FHAD1: variants seen among roughly 807,000 people sequenced by gnomAD.
The protein encoded by FHAD1 is forkhead associated phosphopeptide binding domain 1.
FHAD1 carries 146 observed loss-of-function variants against 191.3 expected under a neutral mutation model. The ratio of observed to expected loss-of-function variants is 0.76; its 90% confidence interval spans 0.67 to 0.88. The LOEUF is 0.88. FHAD1 is among the 40% of genes least tolerant of loss of function. FHAD1 has a pLI of 0.00. For synonymous variants in FHAD1, 616 were observed against 672.3 expected, an observed-to-expected ratio of 0.92 and a Z score of 1.29; for missense variants, 1,635 against 1,785.8, an observed-to-expected ratio of 0.92 and a Z score of 1.52.
intron 7 of FHAD1, among the ~76,000 whole-genome samples, chr1:15,309,983 G>A (rs556387029): frequency 6.6e-6 from 1 of 152,172 alleles, no homozygotes; most frequent in African/African-American, 2.4e-5. Flanking sequence ...GTGGGGTCAG[G>A]GGGGAGGCAG....
chr1:15,337,408 C>T (rs1368910594), intron 14 of FHAD1, among the ~76,000 whole-genome samples: 1 of 152,202 alleles, frequency 6.6e-6, no homozygotes, highest in African/African-American at 2.4e-5. Flanking sequence ...ATCCTCACTT[C>T]TCCCACCCTC....
At position 15,267,998 on chromosome 1, in the gene FHAD1, TTTA is replaced by T. The variant is rs574838326; in HGVS notation, c.94-4314_94-4312del. Among the ~76,000 whole-genome samples the T allele has an allele frequency of 4.1e-3, 613 of 150,746 alleles. 7 individuals are homozygous for T. Among genetic ancestry groups the T allele is most frequent in the African/African-American group, 0.014 (590 of 41,252 alleles). On this transcript the variant is annotated intron_variant, in intron 2 of 33. Coordinates refer to ENST00000688493, the MANE Select transcript of FHAD1 (RefSeq NM_001391957.1). ...TTACATTTTCTTTTCTTTTTTTAAT[TTTA>T]TTATTATTATACTTTTAAGTTTTAG...
intron 26 of FHAD1, among the ~76,000 whole-genome samples, chr1:15,371,808 G>A (rs1333082589): frequency 6.6e-6 from 1 of 152,240 alleles, no homozygotes; most frequent in Non-Finnish European, 1.5e-5. Flanking sequence ...CCAAGGACAA[G>A]CGAGGCCGTA....
chr1:15,382,689 CAG>C (rs1701190381), intron 31 of FHAD1, among the ~76,000 whole-genome samples: 1 of 152,184 alleles, frequency 6.6e-6, no homozygotes, highest in Admixed American at 6.5e-5. Flanking sequence ...TAGTGTGGAA[CAG>C]AGAGCTGACT....
intron 1 of FHAD1, among the ~76,000 whole-genome samples, chr1:15,240,461 T>G (rs549702576): frequency 1.1e-4 from 17 of 151,828 alleles, no homozygotes; most frequent in African/African-American, 3.9e-4. Flanking sequence ...AGATCTCATC[T>G]CTATTAAAAA....
At chr1:15,331,547 TGTGG>T (rs373096247) in intron 14 of FHAD1, among the ~76,000 whole-genome samples, 1 of 47,578 alleles carries the variant, frequency 2.1e-5, no homozygotes, top group African/African-American at 8.2e-5. Flanking sequence ...TGGATGGAAG[TGTGG>T]GTGGGTGGGT....
intron 16 of FHAD1, among the ~76,000 whole-genome samples, chr1:15,344,401 CT>C (rs1234836488): frequency 1.3e-5 from 2 of 152,202 alleles, no homozygotes; most frequent in African/African-American, 2.4e-5. Flanking sequence ...ACAACAATCC[CT>C]TGGTTTGTGC....
chr1:15,394,990 A>G (rs903387758), intron 33 of FHAD1, among the ~76,000 whole-genome samples: 16 of 152,188 alleles, frequency 1.1e-4, no homozygotes, highest in African/African-American at 3.9e-4. Flanking sequence ...GGGGGCTTTT[A>G]TAAAGATACA....
At chr1:15,335,117 TGTG>T (rs1434189856) in intron 14 of FHAD1, among the ~76,000 whole-genome samples, 1 of 152,136 alleles carries the variant, frequency 6.6e-6, no homozygotes, top group Admixed American at 6.5e-5. Context: ...GGAAATGACT[TGTG>T]GTGTTGTTGG....
intron 2 of FHAD1, among the ~76,000 whole-genome samples, chr1:15,254,091 A>C (rs1451297886): frequency 2.0e-5 from 3 of 152,236 alleles, no homozygotes; most frequent in Non-Finnish European, 2.9e-5. Flanking sequence ...AAGGACACAG[A>C]AAACTGTTCA....
At chr1:15,262,197 G>A (rs1651393442) in intron 2 of FHAD1, among the ~76,000 whole-genome samples, 1 of 152,218 alleles carries the variant, frequency 6.6e-6, no homozygotes, top group Non-Finnish European at 1.5e-5. Context: ...CAGCAGGAAT[G>A]CAGCAGAGGT....
intron 19 of FHAD1, among the ~76,000 whole-genome samples, chr1:15,351,946 G>A (rs1322638884): frequency 6.6e-6 from 1 of 152,170 alleles, no homozygotes; most frequent in Non-Finnish European, 1.5e-5. Flanking sequence ...CACACACCTC[G>A]AGTCTCATAC....
chr1:15,237,229 T>C (rs1644879881), intron 1 of FHAD1, among the ~76,000 whole-genome samples: 1 of 152,190 alleles, frequency 6.6e-6, no homozygotes, highest in Non-Finnish European at 1.5e-5. Flanking sequence ...CATCAACTAG[T>C]TGAAAGTATT....
Position 15,316,035 on chromosome 1 carries a change from A to G in FHAD1, c.1171-343A>G, listed in dbSNP as rs1674327060. On this transcript the variant is annotated intron_variant, in intron 8 of 33. Transcript: ENST00000688493. This position sits in a 1 kb window ranked among gnomAD's most constrained non-coding sequence, Gnocchi z 4.3. The stretch of plus-strand genomic sequence containing the variant: ...GGAGTGAATTGCATGAAGCACTGAG[A>G]GCCGTCCAGGCTCGCTAGTGGCCCT... 6.6e-6 allele frequency among the ~76,000 whole-genome samples: 1 copy of G among 152,226 alleles called. No homozygotes were observed. The highest frequency in any genetic ancestry group is 6.5e-5 in the Admixed American group (1 of 15,286).
intron 3 of FHAD1, among the ~76,000 whole-genome samples, chr1:15,288,981 GT>G (rs1009370929): frequency 3.3e-5 from 5 of 152,082 alleles, no homozygotes; most frequent in African/African-American, 1.2e-4. Context: ...GTGACTCATT[GT>G]TTTTTTGTTT....
At chr1:15,375,489 T>G in intron 27 of FHAD1, 114 bp from the exon 28 acceptor site, 2 of 992,758 alleles carry the variant, frequency 2.0e-6, no homozygotes, top group Non-Finnish European at 2.8e-6. Context: ...CCACGGGAGG[T>G]CGTAAGGATT....
At chr1:15,266,654 T>A (rs1653659341) in intron 2 of FHAD1, among the ~76,000 whole-genome samples, 1 of 152,214 alleles carries the variant, frequency 6.6e-6, no homozygotes, top group Admixed American at 6.5e-5. Flanking sequence ...TTCTGTGGGT[T>A]TTGACATAGG....
chr1:15,283,496 C>G (rs1661311149), intron 3 of FHAD1, among the ~76,000 whole-genome samples: 1 of 152,134 alleles, frequency 6.6e-6, no homozygotes. Context: ...AATTAGGAGG[C>G]TAAGTTTTAA....
intron 14 of FHAD1, among the ~76,000 whole-genome samples, chr1:15,330,627 G>A (rs970390381): frequency 1.3e-5 from 2 of 152,214 alleles, no homozygotes; most frequent in African/African-American, 4.8e-5. Flanking sequence ...TGGTCAGGGA[G>A]AGCAGGGCAT....
Sources: gnomAD v4.1 joint callset for allele counts (sites outside exome capture counted in the v4.1 genomes callset) on GRCh38, gnomAD v4.1.1 for gene constraint, Gnocchi (gnomAD v3.1) non-coding constraint, MANE v1.5 for transcripts, NCBI Gene and HGNC (gene_info 2026-07-23, HGNC 2026-07-21) for gene names.